The following MICAL2 variants were observed in gnomAD, a reference collection of about 807,000 sequenced individuals.
MICAL2 encodes [F-actin]-monooxygenase MICAL2.
In MICAL2, 77 loss-of-function variants were observed where a neutral mutation model predicts 127.3. That is an observed-to-expected ratio of 0.60 (90% confidence interval 0.50 to 0.73). The LOEUF is 0.73. Ranked by LOEUF, MICAL2 falls within the 30% of genes least tolerant of loss-of-function variation. The probability of loss-of-function intolerance (pLI) is 0.00; values close to 1 mark genes in which losing one functional copy is unlikely to be tolerated. For missense variants in MICAL2, 1,351 were observed against 1,434.4 expected (o/e 0.94, Z 0.94); for synonymous variants, 570 against 551.1 (o/e 1.03, Z -0.48).
At chr11:12,219,855 C>T (rs1041055919) in intron 8 of MICAL2, among the ~76,000 whole-genome samples, 12 of 152,198 alleles carry the variant, frequency 7.9e-5, no homozygotes, top group African/African-American at 1.9e-4. Context: ...GAAATTCCTA[C>T]GTGAGACAGA....
At chr11:12,145,831 A>G (rs796845595) in intron 2 of MICAL2, among the ~76,000 whole-genome samples, 2 of 152,318 alleles carry the variant, frequency 1.3e-5, no homozygotes, top group East Asian at 1.9e-4. Flanking sequence ...GGACGGCCCA[A>G]TGAAAGGTGT....
rs560899241 is a variant in MICAL2, at chr11:12,110,757, G to T, written c.-149+31G>T. 1 of 151,922 alleles carries T rather than the reference G, an allele frequency of 6.6e-6. No homozygotes were observed. The highest frequency in any genetic ancestry group is 1.5e-5 in the Non-Finnish European group (1 of 67,860). 9.4% of individuals were successfully genotyped at this position (151,922 alleles called of 1,614,324 possible). A position where few individuals can be genotyped will look rare whatever the true frequency, so the allele number is the denominator to read the frequency against. ...GCGGGGGCGGCGCTGGCCTCAGGGT[G>T]GGGAGGGCGGGCGGGCGCGGGTGGG... is the stretch of plus-strand genomic sequence containing the variant. On this transcript the variant is annotated intron_variant, in intron 1 of 27. Coordinates refer to ENST00000683283, the MANE Select transcript of MICAL2 (RefSeq NM_001282663.2). This position sits in a 1 kb window ranked among gnomAD's most constrained non-coding sequence, Gnocchi z 4.5.
At chr11:12,138,939 C>T (rs1035590026) in intron 2 of MICAL2, among the ~76,000 whole-genome samples, 6 of 152,160 alleles carry the variant, frequency 3.9e-5, no homozygotes, top group African/African-American at 1.4e-4. Context: ...ATTTTATAGA[C>T]ATGGAGGCTG....
At chr11:12,164,865 C>T (rs1229044677) in intron 3 of MICAL2, among the ~76,000 whole-genome samples, 3 of 152,096 alleles carry the variant, frequency 2.0e-5, no homozygotes, top group Non-Finnish European at 2.9e-5. Flanking sequence ...CTGGGCGTCG[C>T]GGCTCACGCC....
At chr11:12,286,150 T>A (rs749314950) in intron 2 of MICAL2, among the ~76,000 whole-genome samples, 2 of 151,862 alleles carry the variant, frequency 1.3e-5, no homozygotes, top group Non-Finnish European at 2.9e-5. Flanking sequence ...GGCAGAGGGG[T>A]CTTCCACAGG....
intron 8 of MICAL2, among the ~76,000 whole-genome samples, chr11:12,218,470 G>T (rs1243063602): frequency 2.0e-5 from 3 of 152,172 alleles, no homozygotes; most frequent in African/African-American, 7.2e-5. Context: ...CCTGCATGAG[G>T]CGTCCACGCC....
intron 3 of MICAL2, among the ~76,000 whole-genome samples, chr11:12,183,305 G>A (rs1857721667): frequency 6.6e-6 from 1 of 152,048 alleles, no homozygotes; most frequent in East Asian, 1.9e-4. Context: ...TTTCAACTCA[G>A]TTTTCAGAGT....
chr11:12,233,363 C>T (rs1451176351), intron 15 of MICAL2, among the ~76,000 whole-genome samples: 6 of 152,294 alleles, frequency 3.9e-5, no homozygotes, highest in Admixed American at 2.6e-4. Flanking sequence ...TATCACTGGC[C>T]GTCTTCCTGA....
chr11:12,195,430 A>G (rs528540112), intron 3 of MICAL2, among the ~76,000 whole-genome samples: 1 of 152,332 alleles, frequency 6.6e-6, no homozygotes, highest in South Asian at 2.1e-4. Context: ...GTGAATAGAT[A>G]CATGCTAAAG....
intron 1 of MICAL2, among the ~76,000 whole-genome samples, chr11:12,124,724 C>T (rs1379748111): frequency 6.6e-6 from 1 of 152,204 alleles, no homozygotes; most frequent in Non-Finnish European, 1.5e-5. Flanking sequence ...GTTCTTTGCT[C>T]CCCTGTCCTG....
At chr11:12,303,055 G>A (rs1052541111) in intron 29 of MICAL2, among the ~76,000 whole-genome samples, 2 of 152,142 alleles carry the variant, frequency 1.3e-5, no homozygotes, top group African/African-American at 4.8e-5. Context: ...AATGCCGGAC[G>A]CTTATAAAAC....
At chr11:12,313,197 G>A (rs1864195039) in intron 29 of MICAL2, among the ~76,000 whole-genome samples, 1 of 145,616 alleles carries the variant, frequency 6.9e-6, no homozygotes, top group East Asian at 2.0e-4. Flanking sequence ...AAGATCTAGA[G>A]TCAAACAAGA....
chr11:12,275,641 A>T (rs895469800), upstream of MICAL2, among the ~76,000 whole-genome samples: 1 of 152,190 alleles, frequency 6.6e-6, no homozygotes, highest in African/African-American at 2.4e-5. Context: ...GAGAACTGAG[A>T]TGTTACCACT....
intron 8 of MICAL2, among the ~76,000 whole-genome samples, chr11:12,217,996 A>G (rs1856395007): frequency 6.6e-6 from 1 of 152,142 alleles, no homozygotes; most frequent in South Asian, 2.1e-4. Context: ...GAGGAATGGC[A>G]AGTTTTCTGT....
chr11:12,313,961 A>ATTTTTTTTTTTTTTTT (rs60681621), intron 29 of MICAL2, among the ~76,000 whole-genome samples: 6 of 43,792 alleles, frequency 1.4e-4, no homozygotes, highest in Admixed American at 2.6e-4. Flanking sequence ...TCTTGGTCTG[A>ATTTTTTTTTTTTTTTT]TTTTTTTTTT....
intron 7 of MICAL2, 95 bp downstream of exon 7, chr11:12,213,505 G>A (rs80189374): frequency 7.8e-7 from 1 of 1,282,038 alleles, no homozygotes; most frequent in Non-Finnish European, 1.1e-6. Flanking sequence ...GGGCTCTTGG[G>A]CCTCGAGGGA....
chr11:12,271,844 C>T (rs147336931), upstream of MICAL2, among the ~76,000 whole-genome samples: 138 of 152,224 alleles, frequency 9.1e-4, no homozygotes, highest in East Asian at 0.022. Context: ...CTGCAGAAGT[C>T]GGGGAGGAGA....
intron 1 of MICAL2, chr11:12,116,625 A>T (rs901198193): frequency 6.6e-6 from 1 of 152,196 alleles, no homozygotes; most frequent in African/African-American, 2.4e-5. Flanking sequence ...CTTCTTCCTA[A>T]AACATCGATC....
At chr11:12,164,465 C>T (rs1209254664) in intron 3 of MICAL2, among the ~76,000 whole-genome samples, 3 of 152,114 alleles carry the variant, frequency 2.0e-5, no homozygotes, top group Non-Finnish European at 4.4e-5. Flanking sequence ...TCAAAATAAC[C>T]ACAAAGAACA....
Sources: gnomAD v4.1 joint callset for allele counts (sites outside exome capture counted in the v4.1 genomes callset) on GRCh38, gnomAD v4.1.1 for gene constraint, Gnocchi (gnomAD v3.1) non-coding constraint, MANE v1.5 for transcripts, NCBI Gene and HGNC (gene_info 2026-07-23, HGNC 2026-07-21) for gene names.